Variants in MTA3 observed in about 807,000 individuals in gnomAD.
MTA3 encodes metastasis associated 1 family member 3, also known as metastasis-associated protein MTA3.
Under a neutral mutation model 83.5 loss-of-function variants are expected in MTA3, and 34 were observed. The ratio of observed to expected loss-of-function variants is 0.41; its 90% CI spans 0.31 to 0.54. The LOEUF is 0.54. Ranked by LOEUF, MTA3 falls within the 20% of genes least tolerant of loss-of-function variation. The pLI is 0.33. For synonymous variants in MTA3, 303 were observed against 252.7 expected, an observed-to-expected ratio of 1.20 and a Z score of -1.89; for missense variants, 761 against 726.4, an observed-to-expected ratio of 1.05 and a Z score of -0.55.
intron 3 of MTA3, among the ~76,000 whole-genome samples, chr2:42,593,877 A>G (rs966401874): frequency 5.3e-5 from 8 of 151,910 alleles, no homozygotes; most frequent in African/African-American, 1.5e-4. Flanking sequence ...ATTGCTTCAG[A>G]TATTCTTCCA....
intron 8 of MTA3, among the ~76,000 whole-genome samples, chr2:42,661,876 A>G (rs1689753229): frequency 1.3e-5 from 2 of 152,186 alleles, no homozygotes; most frequent in Non-Finnish European, 2.9e-5. Context: ...CAACCATTAT[A>G]GTTAATGTTG....
chr2:42,718,826 C>G (rs1178293541), intron 14 of MTA3, among the ~76,000 whole-genome samples, 162 bp from the exon 15 acceptor site: 3 of 152,146 alleles, frequency 2.0e-5, no homozygotes, highest in African/African-American at 7.2e-5. Flanking sequence ...AAATTGGGAA[C>G]CAGAACTAGA....
chr2:42,635,992 T>C (rs1687155598), intron 4 of MTA3, among the ~76,000 whole-genome samples: 1 of 152,116 alleles, frequency 6.6e-6, no homozygotes, highest in Non-Finnish European at 1.5e-5. Context: ...TCTTGAACTA[T>C]ACCTGAGCTC....
chr2:42,753,065 A>G (rs561518793), intron 16 of MTA3, among the ~76,000 whole-genome samples: 1 of 152,152 alleles, frequency 6.6e-6, no homozygotes, highest in South Asian at 2.1e-4. Flanking sequence ...AGCTGGGACT[A>G]CAGGCATGCA....
intron 9 of MTA3, among the ~76,000 whole-genome samples, chr2:42,695,166 T>C (rs1431465689): frequency 1.3e-5 from 2 of 152,076 alleles, no homozygotes; most frequent in African/African-American, 2.4e-5. Context: ...TTATGATGTT[T>C]ATAATTTTTA....
chr2:42,566,767 G>A (rs753097051), upstream of MTA3, among the ~76,000 whole-genome samples: 8 of 152,120 alleles, frequency 5.3e-5, no homozygotes, highest in Non-Finnish European at 8.8e-5. Flanking sequence ...AAAATTAATG[G>A]GAAAACATCC....
At chr2:42,534,785 C>T (rs977649457) in intron 2 of MTA3, among the ~76,000 whole-genome samples, 6 of 151,996 alleles carry the variant, frequency 3.9e-5, no homozygotes, top group African/African-American at 9.7e-5. Flanking sequence ...TAACTATTAG[C>T]GTTGTGTGGA....
chr2:42,726,018 C>T (rs904054599), intron 16 of MTA3, among the ~76,000 whole-genome samples: 1 of 152,102 alleles, frequency 6.6e-6, no homozygotes, highest in African/African-American at 2.4e-5. Flanking sequence ...CCAGAGTTTC[C>T]AAGATGAACT....
chr2:42,592,438 G>A (rs186297493), intron 3 of MTA3, among the ~76,000 whole-genome samples: 2 of 152,078 alleles, frequency 1.3e-5, no homozygotes, highest in Non-Finnish European at 2.9e-5. Context: ...TTAAAAATTA[G>A]CCGGGTGTGG....
chr2:42,706,032 GT>G (rs1013397581), intron 12 of MTA3, among the ~76,000 whole-genome samples: 1 of 152,034 alleles, frequency 6.6e-6, no homozygotes, highest in Admixed American at 6.6e-5. Flanking sequence ...TAAAATGTAT[GT>G]TTTAAGTGAA....
intron 2 of MTA3, among the ~76,000 whole-genome samples, chr2:42,501,023 G>A (rs1207165732): frequency 1.3e-5 from 2 of 152,044 alleles, no homozygotes; most frequent in Admixed American, 6.6e-5. Flanking sequence ...TGTTAGCCAG[G>A]ATGATCTCCA....
chr2:42,644,299 A>G, intron 6 of MTA3, 55 bp downstream of exon 6: 1 of 1,160,580 alleles, frequency 8.6e-7, no homozygotes, highest in Non-Finnish European at 1.3e-6. Context: ...TTGAAACTCA[A>G]ATATACATGT....
chr2:42,732,776 C>A (rs183821220), intron 16 of MTA3, among the ~76,000 whole-genome samples: 2 of 152,314 alleles, frequency 1.3e-5, no homozygotes, highest in Non-Finnish European at 2.9e-5. Context: ...GAAATTTTTT[C>A]TGCCAGATAT....
intron 2 of MTA3, among the ~76,000 whole-genome samples, chr2:42,518,623 A>T (rs551461336): frequency 1.3e-5 from 2 of 152,276 alleles, no homozygotes; most frequent in East Asian, 3.9e-4. Context: ...ACCCTGAAGG[A>T]GGTTGATCAT....
At chr2:42,538,772 T>G (rs111233183) in intron 2 of MTA3, among the ~76,000 whole-genome samples, 48,927 of 137,700 alleles carry the variant, frequency 0.36, 9,264 homozygotes, top group South Asian at 0.41. Flanking sequence ...TTTTTGTTTT[T>G]TTTTGTTTTT....
At chr2:42,537,256 T>C (rs1358864743) in intron 2 of MTA3, among the ~76,000 whole-genome samples, 1 of 152,158 alleles carries the variant, frequency 6.6e-6, no homozygotes, top group Non-Finnish European at 1.5e-5. Context: ...ACAAGCTACC[T>C]GAACTCTTTA....
rs1353722826 is a variant in MTA3, at chr2:42,711,780, G to GTGTT, written c.1525+2684_1525+2685insTGTT. On this transcript the variant is annotated intron_variant, in intron 14 of 16. Coordinates refer to ENST00000405094, the MANE Select transcript of MTA3 (RefSeq NM_001330442.2). ...CTACTGGGAGTGTATAGGAGAGAGA[G>GTGTT]AGAGTGTGTGTGTGTGTGTGTGTGT... 1.7e-3 allele frequency among the ~76,000 whole-genome samples: 132 copies of GTGTT among 77,046 alleles called. 1 individual carries two copies. Among genetic ancestry groups the GTGTT allele is most frequent in the African/African-American group, 6.9e-3 (100 of 14,532 alleles). 50.5% of individuals were successfully genotyped at this position (77,046 alleles called of 152,430 possible). A position where few individuals can be genotyped will look rare whatever the true frequency, so the allele number is the denominator to read the frequency against.
chr2:42,597,924 T>G (rs561903877), intron 3 of MTA3, among the ~76,000 whole-genome samples: 1 of 152,182 alleles, frequency 6.6e-6, no homozygotes, highest in East Asian at 1.9e-4. Flanking sequence ...TGAAGCGATC[T>G]GCCCACTTTA....
chr2:42,645,710 G>C (rs1688118048), intron 6 of MTA3, among the ~76,000 whole-genome samples: 1 of 152,082 alleles, frequency 6.6e-6, no homozygotes, highest in Non-Finnish European at 1.5e-5. Context: ...TGAGAGGTGA[G>C]GAAGCTGGAG....
Sources: allele counts gnomAD v4.1 joint callset (sites outside exome capture counted in the v4.1 genomes callset), GRCh38; gene constraint gnomAD v4.1.1; transcripts MANE v1.5; gene names NCBI Gene and HGNC (gene_info 2026-07-23, HGNC 2026-07-21).